Variants in GRIA4 observed in about 807,000 individuals in gnomAD.
GRIA4 encodes glutamate receptor 4.
Under a neutral mutation model 104.0 loss-of-function variants are expected in GRIA4, and 34 were observed. That is an observed-to-expected ratio of 0.33 (90% confidence interval 0.25 to 0.44). The LOEUF is 0.44. GRIA4 is among the 20% of genes least tolerant of loss of function. The pLI is 1.00. For synonymous variants in GRIA4, 386 were observed against 381.9 expected (o/e 1.01, Z -0.13); for missense variants, 750 against 1,096.5 (o/e 0.68, Z 4.46).
Position 105,812,838 on chromosome 11 carries a change from C to T in GRIA4, c.488-49186C>T, listed in dbSNP as rs151307472. 3.1e-3 allele frequency among the ~76,000 whole-genome samples: 470 copies of T among 152,194 alleles called. 6 individuals are homozygous for T. Among genetic ancestry groups the T allele is most frequent in the African/African-American group, 0.011 (458 of 41,532 alleles). On this transcript the variant is annotated intron_variant, in intron 4 of 16. Coordinates refer to ENST00000282499, the MANE Select transcript of GRIA4 (RefSeq NM_000829.4). ...GAAATTGGCCTAGCATGGTGGCTCA[C>T]GCCTGTTAATCCCAGCACTTTGGCA... is the stretch of plus-strand genomic sequence containing the variant.
At position 105,671,878 on chromosome 11, in the gene GRIA4, G is replaced by A. The variant is rs530790891; in HGVS notation, c.247+59444G>A. Among the ~76,000 whole-genome samples, 8 of 152,032 alleles carry A rather than the reference G, an allele frequency of 5.3e-5. No homozygotes were observed. The South Asian group carries it at 1.0e-3, about 20-fold the overall frequency. On this transcript the variant is annotated intron_variant, in intron 3 of 16. Transcript: ENST00000282499. Reference sequence around the variant, plus strand: ...CATTCCCAGACTCCACTCACCCCATGTGCTGACTTAGGAAGCTTTTGATAG... The same window carrying A: ...CATTCCCAGACTCCACTCACCCCATATGCTGACTTAGGAAGCTTTTGATAG...
intron 3 of GRIA4, among the ~76,000 whole-genome samples, chr11:105,640,379 T>C (rs1951324912): frequency 1.3e-5 from 2 of 151,864 alleles, no homozygotes; most frequent in Non-Finnish European, 2.9e-5. Flanking sequence ...GGTAGACAAT[T>C]TGAAAAATGC....
chr11:105,660,977 G>A (rs1822986), intron 3 of GRIA4, among the ~76,000 whole-genome samples: 149,364 of 151,658 alleles, frequency 0.98, 73,596 homozygotes, highest in Middle Eastern at 1. Flanking sequence ...GAGAAAGTAT[G>A]TGTTCTTAAC....
At chr11:105,697,991 C>A (rs916547817) in intron 3 of GRIA4, among the ~76,000 whole-genome samples, 1 of 152,056 alleles carries the variant, frequency 6.6e-6, no homozygotes, top group Non-Finnish European at 1.5e-5. Context: ...AAAGTTAAAG[C>A]CCAGCAGTGG....
intron 16 of GRIA4, among the ~76,000 whole-genome samples, chr11:105,976,191 G>C (rs1447934894): frequency 2.0e-5 from 3 of 151,988 alleles, no homozygotes; most frequent in Non-Finnish European, 4.4e-5. Flanking sequence ...TTTGTTAACA[G>C]TTCATTAAAA....
At chr11:105,920,347 A>G (rs1190987309) in intron 11 of GRIA4, among the ~76,000 whole-genome samples, 1 of 152,170 alleles carries the variant, frequency 6.6e-6, no homozygotes, top group Non-Finnish European at 1.5e-5. Flanking sequence ...TAAACTTTTG[A>G]TACAGTAAGC....
At chr11:105,640,807 T>C (rs1951337923) in intron 3 of GRIA4, among the ~76,000 whole-genome samples, 1 of 152,032 alleles carries the variant, frequency 6.6e-6, no homozygotes, top group Non-Finnish European at 1.5e-5. Context: ...CATTTTAGAA[T>C]TAGATAACTA....
chr11:105,638,914 G>A (rs1031934075), intron 3 of GRIA4, among the ~76,000 whole-genome samples: 52 of 151,760 alleles, frequency 3.4e-4, no homozygotes, highest in African/African-American at 1.1e-3. Flanking sequence ...TGAAGTTGCC[G>A]ACAAATCCTT....
chr11:105,715,329 T>C (rs1385284858), intron 3 of GRIA4, among the ~76,000 whole-genome samples: 2 of 152,176 alleles, frequency 1.3e-5, no homozygotes, highest in Non-Finnish European at 2.9e-5. Flanking sequence ...GTTTGAAACA[T>C]CTTTTAGAAT....
intron 14 of GRIA4, among the ~76,000 whole-genome samples, chr11:105,947,431 A>G (rs1208189175): frequency 6.6e-6 from 1 of 152,228 alleles, no homozygotes; most frequent in African/African-American, 2.4e-5. Flanking sequence ...TGATGTTTAC[A>G]TGGACATTTG....
intron 5 of GRIA4, among the ~76,000 whole-genome samples, chr11:105,873,167 A>C (rs989585681): frequency 1.3e-5 from 2 of 152,162 alleles, no homozygotes; most frequent in Non-Finnish European, 2.9e-5. Context: ...GAGGGAGAAC[A>C]TGCAGTGTTT....
intron 5 of GRIA4, among the ~76,000 whole-genome samples, chr11:105,872,724 A>G (rs1015671794): frequency 6.6e-6 from 1 of 152,076 alleles, no homozygotes; most frequent in Admixed American, 6.6e-5. Flanking sequence ...AAGAAATTAG[A>G]TATTTGACTT....
At chr11:105,843,446 A>G (rs564840246) in intron 4 of GRIA4, among the ~76,000 whole-genome samples, 49 of 152,344 alleles carry the variant, frequency 3.2e-4, no homozygotes, top group Non-Finnish European at 5.1e-4. Flanking sequence ...GAATACTCTC[A>G]TATACCTAAA....
intron 4 of GRIA4, among the ~76,000 whole-genome samples, chr11:105,787,003 A>G (rs1326339213): frequency 6.6e-6 from 1 of 152,116 alleles, no homozygotes; most frequent in Non-Finnish European, 1.5e-5. Flanking sequence ...CCTCAGAAAG[A>G]GCTGAAAAGC....
intron 5 of GRIA4, among the ~76,000 whole-genome samples, chr11:105,879,845 C>A (rs1945981844): frequency 6.6e-6 from 1 of 152,010 alleles, no homozygotes; most frequent in Admixed American, 6.6e-5. Flanking sequence ...TCATTTTTCT[C>A]TTATGAAAGA....
At chr11:105,710,882 G>T (rs1305434113) in intron 3 of GRIA4, among the ~76,000 whole-genome samples, 2 of 151,424 alleles carry the variant, frequency 1.3e-5, no homozygotes, top group Non-Finnish European at 2.9e-5. Flanking sequence ...TACACAAATG[G>T]GTTATATTTT....
chr11:105,755,159 G>A (rs779287763), intron 4 of GRIA4, among the ~76,000 whole-genome samples: 15 of 152,248 alleles, frequency 9.9e-5, no homozygotes, highest in Non-Finnish European at 2.1e-4. Flanking sequence ...GTTTATGCAG[G>A]AGGAGAGATA....
chr11:105,803,635 TA>T (rs1392948578), intron 4 of GRIA4, among the ~76,000 whole-genome samples: 3 of 151,938 alleles, frequency 2.0e-5, no homozygotes, highest in Non-Finnish European at 4.4e-5. Context: ...AACAGATCAA[TA>T]AATTGATGTG....
At chr11:105,727,099 A>G (rs947146646) in intron 3 of GRIA4, among the ~76,000 whole-genome samples, 1 of 152,000 alleles carries the variant, frequency 6.6e-6, no homozygotes, top group African/African-American at 2.4e-5. Flanking sequence ...AAGCTAAAGG[A>G]GCATGTTATA....
Sources: gnomAD v4.1 joint callset for allele counts (sites outside exome capture counted in the v4.1 genomes callset) on GRCh38, gnomAD v4.1.1 for gene constraint, MANE v1.5 for transcripts, NCBI Gene and HGNC (gene_info 2026-07-23, HGNC 2026-07-21) for gene names.